The following MYL2 variants were observed in gnomAD, a reference collection of about 807,000 sequenced individuals.
The protein encoded by MYL2 is myosin regulatory light chain 2, ventricular/cardiac muscle isoform.
MYL2 carries 19 observed loss-of-function variants against 23.0 expected under a neutral mutation model. The ratio of observed to expected loss-of-function variants is 0.83; its 90% CI spans 0.58 to 1.21. MYL2 has a LOEUF of 1.21. MYL2 is among the 50% of genes most tolerant of loss of function. The pLI is 0.00. For missense variants in MYL2, 180 were observed against 215.1 expected, an observed-to-expected ratio of 0.84 and a Z score of 1.02; for synonymous variants, 78 against 76.2, an observed-to-expected ratio of 1.02 and a Z score of -0.13.
chr12:110,920,329 G>A (rs959816273), intron 1 of MYL2, among the ~76,000 whole-genome samples, 198 bp downstream of exon 1: 2 of 152,012 alleles, frequency 1.3e-5, no homozygotes, highest in East Asian at 3.9e-4. Context: ...GTGAGTCCCC[G>A]AGAGCTGCTG....
intron 2 of MYL2, 85 bp downstream of exon 2, chr12:110,919,019 C>T (rs919550789): frequency 1.6e-6 from 2 of 1,281,190 alleles, no homozygotes; most frequent in Non-Finnish European, 2.3e-6. Flanking sequence ...ATGAAAGGTC[C>T]CTGCTGGGAA....
Position 110,910,909 on chromosome 12 carries a change from C to A in MYL2, c.*168G>T. 3.0e-6 allele frequency: 2 copies of A among 674,504 alleles called. No individual in the cohort carries two copies. Among genetic ancestry groups the A allele is most frequent in the South Asian group, 1.6e-5 (1 of 61,638 alleles). The allele number at this position is 674,504 out of a possible 1,614,324, so 41.8% of individuals were successfully genotyped here. On this transcript the variant is annotated 3_prime_UTR_variant, in exon 7 of 7. Coordinates refer to ENST00000228841, the MANE Select transcript of MYL2 (RefSeq NM_000432.4). ...GATTTCCAACTGTAGGATGTGCGGCCACGAAGTACCCATAGCCACCCAGGC... is the reference window on the plus strand; with the variant it reads ...GATTTCCAACTGTAGGATGTGCGGCAACGAAGTACCCATAGCCACCCAGGC...
At position 110,918,825 on chromosome 12, in the gene MYL2, G is replaced by A; in HGVS notation, c.93+279C>T. 1 of 445,336 alleles carries A rather than the reference G, an allele frequency of 2.2e-6. No individual in the cohort carries two copies. The highest frequency in any genetic ancestry group is 2.4e-5 in the South Asian group (1 of 42,002). The allele number at this position is 445,336 out of a possible 1,614,324, so 27.6% of individuals were successfully genotyped here. On this transcript the variant is annotated intron_variant, in intron 2 of 6. Coordinates refer to ENST00000228841, the MANE Select transcript of MYL2 (RefSeq NM_000432.4). This position sits in a 1 kb window ranked among gnomAD's most constrained non-coding sequence, Gnocchi z 4.4. ...TAAAATGTGAACTGATTATCTCTGG[G>A]TAATAGAATTGTAGGTAGTTTTTAT...
In MYL2 at chr12:110,911,048, G is replaced by T; in HGVS notation, c.*29C>A. ...AGGGCAGGGACCACTCTGCAAAGAC[G>T]AGCCCAGGGCGCAGCAGCGAGCCCC... On this transcript the variant is annotated 3_prime_UTR_variant, in exon 7 of 7. Transcript: ENST00000228841. 6.3e-7 allele frequency: 1 copy of T among 1,594,470 alleles called. No individual in the cohort carries two copies. The highest frequency in any genetic ancestry group is 8.6e-7 in the Non-Finnish European group (1 of 1,162,324).
chr12:110,920,429 G>A, intron 1 of MYL2, 98 bp downstream of exon 1: 1 of 1,577,906 alleles, frequency 6.3e-7, no homozygotes, highest in Non-Finnish European at 8.7e-7. Flanking sequence ...GAGGCTTTGA[G>A]GGCCGCCTTC....
At chr12:110,920,651 C>G (rs2071717307), upstream of MYL2, 6 of 1,490,048 alleles carry the variant, frequency 4.0e-6, no homozygotes, top group Admixed American at 1.0e-4. Flanking sequence ...CCGCTTTTGG[C>G]AGTCATAGGT....
intron 6 of MYL2, among the ~76,000 whole-genome samples, chr12:110,911,955 G>T (rs1383047969): frequency 6.6e-6 from 1 of 152,086 alleles, no homozygotes; most frequent in Non-Finnish European, 1.5e-5. Context: ...TCGAATCCTC[G>T]CAATCTCCTA....
At chr12:110,913,032 C>T (rs985542820) in intron 6 of MYL2, 64 bp downstream of exon 6, 20 of 1,570,298 alleles carry the variant, frequency 1.3e-5, no homozygotes, top group Admixed American at 3.3e-5. Context: ...AGAGGGGAGA[C>T]GGAGCCCCCC....
upstream of MYL2, among the ~76,000 whole-genome samples, chr12:110,921,159 G>C (rs1283001476): frequency 6.6e-6 from 1 of 152,158 alleles, no homozygotes; most frequent in Non-Finnish European, 1.5e-5. Flanking sequence ...AGGAGTTTGC[G>C]ACCAGCCTGG....
Position 110,920,509 on chromosome 12 carries a change from T to C in MYL2, c.3+18A>G, listed in dbSNP as rs773321741. 2 of 1,614,132 alleles carry C rather than the reference T, an allele frequency of 1.2e-6. No individual in the cohort carries two copies. Among genetic ancestry groups the C allele is most frequent in the Non-Finnish European group, 1.7e-6 (2 of 1,180,026 alleles). Reference sequence around the variant, plus strand: ...TCGCCCACCCGGCATCATCACCTCCTGGAGCCCTTGTACTCACCATGGTGG... The same window carrying C: ...TCGCCCACCCGGCATCATCACCTCCCGGAGCCCTTGTACTCACCATGGTGG... On this transcript the variant is annotated intron_variant, in intron 1 of 6. Coordinates refer to ENST00000228841, the MANE Select transcript of MYL2 (RefSeq NM_000432.4).
At chr12:110,921,073 A>G (rs768487117), upstream of MYL2, among the ~76,000 whole-genome samples, 8 of 152,180 alleles carry the variant, frequency 5.3e-5, no homozygotes, top group East Asian at 1.9e-4. Context: ...TAAAATAACC[A>G]TGAAGGCTGG....
Position 110,914,300 on chromosome 12 carries a change from G to C in MYL2, c.170-10C>G. On this transcript the variant is annotated splice_polypyrimidine_tract_variant and intron_variant, in intron 3 of 6. Coordinates refer to ENST00000228841, the MANE Select transcript of MYL2 (RefSeq NM_000432.4). ...TTCACGTTCACTCGCCCTAGGGTAG[G>C]AAACACACACTCAGGGACTCCGAGC... 6.2e-7 allele frequency: 1 copy of C among 1,601,856 alleles called. No individual in the cohort carries two copies. Among genetic ancestry groups the C allele is most frequent in the Non-Finnish European group, 8.6e-7 (1 of 1,168,888 alleles).
chr12:110,919,804 A>T (rs1389472063), intron 1 of MYL2, among the ~76,000 whole-genome samples: 1 of 152,164 alleles, frequency 6.6e-6, no homozygotes, highest in Non-Finnish European at 1.5e-5. Context: ...CTGACTTTCA[A>T]TAACAGCAAA....
intron 5 of MYL2, 38 bp downstream of exon 5, chr12:110,913,208 G>A (rs2071665857): frequency 6.2e-7 from 1 of 1,604,674 alleles, no homozygotes; most frequent in South Asian, 1.1e-5. Context: ...CAGGGGGCAA[G>A]CAGGGAACCC....
chr12:110,913,672 T>TG (rs1236473389), intron 4 of MYL2, among the ~76,000 whole-genome samples: 1 of 152,158 alleles, frequency 6.6e-6, no homozygotes, highest in African/African-American at 2.4e-5. Context: ...TGCTATTAAG[T>TG]GGGGTAATGC....
intron 2 of MYL2, 48 bp downstream of exon 2, chr12:110,919,056 C>T (rs375567712): frequency 8.3e-5 from 129 of 1,561,432 alleles, no homozygotes; most frequent in Non-Finnish European, 1.1e-4. Context: ...GGTTCTCCCT[C>T]GTGGGTGGGA....
intron 2 of MYL2, among the ~76,000 whole-genome samples, chr12:110,917,853 G>T (rs915959791): frequency 2.6e-5 from 4 of 152,170 alleles, no homozygotes; most frequent in African/African-American, 9.7e-5. Context: ...GGAGGTCAAG[G>T]CAGGAGAATT....
rs987506798 is a variant in MYL2, at chr12:110,916,109, G to A, written c.94-319C>T. On this transcript the variant is annotated intron_variant, in intron 2 of 6. Transcript: ENST00000228841. ...CCAGCACTTTGGGAGGCCTAGGCCC[G>A]TGGGTTACTTGAGGTCAGGAATTCA... Among the ~76,000 whole-genome samples, 9 of 152,224 alleles carry A rather than the reference G, an allele frequency of 5.9e-5. No individual in the cohort carries two copies. The South Asian group carries it at 1.4e-3, about 25-fold the overall frequency.
At position 110,910,950 on chromosome 12, in the gene MYL2, G is replaced by A. The variant is rs546464364; in HGVS notation, c.*127C>T. On this transcript the variant is annotated 3_prime_UTR_variant, in exon 7 of 7. Transcript: ENST00000228841. The stretch of plus-strand genomic sequence containing the variant: ...CCACCCAGGCTGCAAAGAAGATGGA[G>A]GTGGATAAATGGGGCAGCCACATGG... The A allele has an allele frequency of 9.9e-5, 87 of 881,556 alleles. No homozygotes were observed. In the African/African-American group the frequency reaches 1.3e-3, roughly 13 times the overall value. The allele number at this position is 881,556 out of a possible 1,614,324, so 54.6% of individuals were successfully genotyped here.
Sources: gnomAD v4.1 joint callset for allele counts (sites outside exome capture counted in the v4.1 genomes callset) on GRCh38, gnomAD v4.1.1 for gene constraint, Gnocchi (gnomAD v3.1) non-coding constraint, MANE v1.5 for transcripts, NCBI Gene and HGNC (gene_info 2026-07-23, HGNC 2026-07-21) for gene names.